Variants in SUGCT observed in about 807,000 individuals in gnomAD.
SUGCT encodes succinyl-CoA:glutarate-CoA transferase.
In SUGCT, 41 loss-of-function variants were observed where a neutral mutation model predicts 55.0. That is an observed-to-expected ratio of 0.74 (90% CI 0.58 to 0.97). The LOEUF (loss-of-function observed/expected upper bound fraction) is 0.97. SUGCT is among the 50% of genes least tolerant of loss of function. The pLI is 0.00. For missense variants in SUGCT, 568 were observed against 547.8 expected (o/e 1.04, Z -0.37); for synonymous variants, 187 against 200.4 (o/e 0.93, Z 0.56).
intron 6 of SUGCT, among the ~76,000 whole-genome samples, chr7:40,235,645 A>G (rs1232199132): frequency 6.6e-6 from 1 of 152,204 alleles, no homozygotes; most frequent in Non-Finnish European, 1.5e-5. Context: ...ATTTTTATAT[A>G]AAATATTTTT....
At chr7:40,186,999 G>A (rs1785553243) in intron 3 of SUGCT, among the ~76,000 whole-genome samples, 2 of 152,068 alleles carry the variant, frequency 1.3e-5, no homozygotes, top group South Asian at 2.1e-4. Flanking sequence ...TGTTTATTGC[G>A]GCACTGTTCA....
At chr7:41,033,042 A>T in the SUGCT span, among the ~76,000 whole-genome samples, 1 of 152,184 alleles carries the variant, frequency 6.6e-6, no homozygotes, top group Non-Finnish European at 1.5e-5. Context: ...GATTACAGGC[A>T]TGAGCCACTG....
At chr7:40,350,801 CG>C (rs1202540265) in intron 9 of SUGCT, among the ~76,000 whole-genome samples, 4 of 151,866 alleles carry the variant, frequency 2.6e-5, no homozygotes, top group Non-Finnish European at 4.4e-5. Flanking sequence ...GCAACCCCCC[CG>C]ACAGGCCCCA....
chr7:40,917,334 C>T, the SUGCT span, among the ~76,000 whole-genome samples: 33 of 152,158 alleles, frequency 2.2e-4, no homozygotes, highest in African/African-American at 7.7e-4. Context: ...CCATCTTACC[C>T]ACAGTTTCTA....
chr7:40,943,681 G>A, the SUGCT span, among the ~76,000 whole-genome samples: 1 of 149,694 alleles, frequency 6.7e-6, no homozygotes, highest in African/African-American at 2.5e-5. Context: ...GTCTATCATT[G>A]TTGGACATTT....
chr7:40,301,621 G>A (rs927450769), intron 8 of SUGCT, among the ~76,000 whole-genome samples: 2 of 152,132 alleles, frequency 1.3e-5, no homozygotes, highest in African/African-American at 4.8e-5. Flanking sequence ...GTGTAGTCTA[G>A]TGAGTCTCCC....
intron 12 of SUGCT, among the ~76,000 whole-genome samples, chr7:40,608,168 G>A (rs111238123): frequency 1.3e-5 from 2 of 152,020 alleles, no homozygotes; most frequent in Admixed American, 6.5e-5. Context: ...TCCACATTAC[G>A]TAATGTAACA....
chr7:40,548,106 T>G (rs1049347181), intron 12 of SUGCT, among the ~76,000 whole-genome samples: 1 of 152,034 alleles, frequency 6.6e-6, no homozygotes, highest in Non-Finnish European at 1.5e-5. Context: ...TTTTATACTG[T>G]TTCGCATTCT....
chr7:40,741,483 A>C (rs1787456084), intron 12 of SUGCT, among the ~76,000 whole-genome samples: 1 of 151,114 alleles, frequency 6.6e-6, no homozygotes. Flanking sequence ...TGATAATATT[A>C]AGTTTTGCTG....
At chr7:40,353,770 ACAT>A (rs1439087795) in intron 9 of SUGCT, among the ~76,000 whole-genome samples, 1 of 152,178 alleles carries the variant, frequency 6.6e-6, no homozygotes, top group African/African-American at 2.4e-5. Context: ...AGTTTCATCA[ACAT>A]CAAACTTAAA....
At chr7:40,954,647 T>C in the SUGCT span, among the ~76,000 whole-genome samples, 43 of 152,196 alleles carry the variant, frequency 2.8e-4, no homozygotes, top group African/African-American at 9.6e-4. Flanking sequence ...TTTAATTAGA[T>C]CCCATTTGTC....
chr7:40,160,981 A>C (rs1414987756), intron 1 of SUGCT, among the ~76,000 whole-genome samples: 1 of 152,116 alleles, frequency 6.6e-6, no homozygotes, highest in Non-Finnish European at 1.5e-5. Flanking sequence ...GTTTGATAAT[A>C]TGTATTAAGA....
At chr7:40,998,917 G>A in the SUGCT span, among the ~76,000 whole-genome samples, 1 of 152,172 alleles carries the variant, frequency 6.6e-6, no homozygotes, top group African/African-American at 2.4e-5. Context: ...GTGTTGAAAA[G>A]AGAAAAAGAA....
intron 9 of SUGCT, among the ~76,000 whole-genome samples, chr7:40,391,291 ATTAAACTAAAGAGC>A (rs1386136672): frequency 1.3e-5 from 2 of 152,228 alleles, no homozygotes; most frequent in Non-Finnish European, 2.9e-5. Context: ...ATGGGATCTA[ATTAAACTAAAGAGC>A]TTCTGCACAG....
rs1363118966 is a variant in SUGCT, at chr7:40,738,245, T to C, written c.1090-11189T>C. 2.7e-5 allele frequency among the ~76,000 whole-genome samples: 4 copies of C among 148,516 alleles called. No individual in the cohort carries two copies. The East Asian group carries it at 5.9e-4, about 22-fold the overall frequency. On this transcript the variant is annotated intron_variant, in intron 12 of 13. Coordinates refer to ENST00000335693, the MANE Select transcript of SUGCT (RefSeq NM_001193313.2). ...GATTATCCTTTTGATAGAGTATATA[T>C]CTTCAAACTAGTAAATGTGAGGAAA...
At chr7:40,144,599 C>T (rs144290338) in intron 1 of SUGCT, among the ~76,000 whole-genome samples, 2,669 of 152,026 alleles carry the variant, frequency 0.018, 75 homozygotes, top group African/African-American at 0.062. Flanking sequence ...GCTGGTTTAC[C>T]GGAAATTCTA....
chr7:40,308,500 A>G (rs10270438), intron 8 of SUGCT, among the ~76,000 whole-genome samples: 86,956 of 151,898 alleles, frequency 0.57, 25,957 homozygotes, highest in Non-Finnish European at 0.67. Flanking sequence ...AGAAATCAAC[A>G]CCTTCCTATG....
intron 11 of SUGCT, among the ~76,000 whole-genome samples, chr7:40,464,648 A>C (rs1462657291): frequency 6.6e-6 from 1 of 152,190 alleles, no homozygotes; most frequent in Non-Finnish European, 1.5e-5. Flanking sequence ...TGGACAACAT[A>C]GCAAGACCCT....
At chr7:40,655,744 A>G (rs890613582) in intron 12 of SUGCT, among the ~76,000 whole-genome samples, 3 of 152,230 alleles carry the variant, frequency 2.0e-5, no homozygotes, top group African/African-American at 7.2e-5. Flanking sequence ...CACAATCATA[A>G]AAATATATGC....
Sources: gnomAD v4.1 joint callset for allele counts (sites outside exome capture counted in the v4.1 genomes callset) on GRCh38, gnomAD v4.1.1 for gene constraint, MANE v1.5 for transcripts, NCBI Gene and HGNC (gene_info 2026-07-23, HGNC 2026-07-21) for gene names.